DNA2: variants seen among roughly 807,000 people sequenced by gnomAD.
The protein encoded by DNA2 is DNA replication ATP-dependent helicase/nuclease DNA2.
In DNA2, 101 loss-of-function variants were observed where a neutral mutation model predicts 119.1. The ratio of observed to expected loss-of-function variants is 0.85; its 90% CI spans 0.72 to 1.00. The LOEUF (loss-of-function observed/expected upper bound fraction) is 1.00. Among genes scored for constraint, DNA2 ranks in the 50% least tolerant of loss-of-function variants. The probability of loss-of-function intolerance (pLI) is 0.00; values close to 1 mark genes in which losing one functional copy is unlikely to be tolerated. For synonymous variants in DNA2, 366 were observed against 424.4 expected (o/e 0.86, Z 1.69); for missense variants, 1,121 against 1,255.5 (o/e 0.89, Z 1.62).
At chr10:68,472,073 C>T, upstream of DNA2, 1 of 1,583,852 alleles carries the variant, frequency 6.3e-7, no homozygotes, top group African/African-American at 1.3e-5. Context: ...AGGGCTCTGT[C>T]CCCTGCCTTT....
intron 4 of DNA2, among the ~76,000 whole-genome samples, chr10:68,460,908 T>TGA (rs1554909453): frequency 7.0e-6 from 1 of 143,496 alleles, no homozygotes; most frequent in Non-Finnish European, 1.5e-5. Flanking sequence ...AGACCCTGTT[T>TGA]AAAAAAAAAA....
chr10:68,416,397 T>C (rs1294332939), intron 20 of DNA2, among the ~76,000 whole-genome samples: 1 of 152,052 alleles, frequency 6.6e-6, no homozygotes, highest in African/African-American at 2.4e-5. Flanking sequence ...GCCTGGGAGA[T>C]TGAGGGTGCA....
intron 20 of DNA2, among the ~76,000 whole-genome samples, chr10:68,416,403 G>A (rs1307389197): frequency 1.3e-5 from 2 of 152,092 alleles, no homozygotes; most frequent in African/African-American, 2.4e-5. Context: ...GAGATTGAGG[G>A]TGCAGTGAGC....
chr10:68,430,702 T>G (rs1251691866), intron 13 of DNA2, 42 bp from the exon 14 acceptor site: 1 of 1,341,698 alleles, frequency 7.5e-7, no homozygotes, highest in African/African-American at 1.5e-5. Context: ...AGCCTTACTT[T>G]TAATTCCAGA....
intron 14 of DNA2, among the ~76,000 whole-genome samples, chr10:68,426,620 G>A (rs1299889408): frequency 6.6e-6 from 1 of 150,974 alleles, no homozygotes; most frequent in African/African-American, 2.5e-5. Flanking sequence ...CAGATCACAA[G>A]GTCAGGAGAT....
At chr10:68,418,478 T>TAA (rs35448515) in intron 19 of DNA2, among the ~76,000 whole-genome samples, 3 of 140,972 alleles carry the variant, frequency 2.1e-5, no homozygotes, top group Non-Finnish European at 3.1e-5. Context: ...TTATTTTCTT[T>TAA]AAAAAAAAAA....
intron 14 of DNA2, chr10:68,425,118 A>G (rs10998154): frequency 0.19 from 51,870 of 270,218 alleles, 7,256 homozygotes; most frequent in African/African-American, 0.48. Flanking sequence ...TTTTTGAGAC[A>G]GAGTCTTGCT....
At chr10:68,441,792 T>C (rs1291618868) in intron 9 of DNA2, among the ~76,000 whole-genome samples, 3 of 151,900 alleles carry the variant, frequency 2.0e-5, no homozygotes, top group Admixed American at 6.6e-5. Flanking sequence ...AAAAAGCGAG[T>C]ATTTAAAAAA....
chr10:68,441,335 T>TAA (rs35334686), intron 9 of DNA2, among the ~76,000 whole-genome samples: 10 of 121,102 alleles, frequency 8.3e-5, no homozygotes, highest in South Asian at 5.3e-4. Context: ...CCCTGTCTCT[T>TAA]AAAAAAAAAA....
intron 6 of DNA2, among the ~76,000 whole-genome samples, chr10:68,448,252 A>C (rs2133409530): frequency 6.6e-6 from 1 of 152,202 alleles, no homozygotes; most frequent in Admixed American, 6.5e-5. Context: ...CTAACTCTAC[A>C]GTTTGTTTCT....
At chr10:68,449,912 T>C in intron 6 of DNA2, 116 bp downstream of exon 6, 1 of 710,352 alleles carries the variant, frequency 1.4e-6, no homozygotes. Context: ...AGGCGGAGCT[T>C]TCAGTGAGCC....
In DNA2 at chr10:68,457,410, G is replaced by A. The variant is rs1272536792; in HGVS notation, c.719+1694C>T. On this transcript the variant is annotated intron_variant, in intron 5 of 20. Transcript: ENST00000358410. ...ACTACTTCATTTCCTTTAAGCTTCT[G>A]CTCAAATGCTACCTTATGAGGAAGG... Among the ~76,000 whole-genome samples, 3 of 152,108 alleles carry A rather than the reference G, an allele frequency of 2.0e-5. No homozygotes were observed. In the East Asian group the frequency reaches 5.8e-4, roughly 29 times the overall value.
At chr10:68,434,632 G>A (rs558376711) in intron 10 of DNA2, among the ~76,000 whole-genome samples, 1 of 150,488 alleles carries the variant, frequency 6.6e-6, no homozygotes, top group East Asian at 2.0e-4. Flanking sequence ...AGCCTGGGCT[G>A]GAGTGAGACC....
intron 4 of DNA2, among the ~76,000 whole-genome samples, chr10:68,460,036 C>CACACACAA (rs1194339098): frequency 5.3e-5 from 8 of 150,732 alleles, no homozygotes; most frequent in African/African-American, 2.0e-4. Context: ...CAAATACACA[C>CACACACAA]ACACACACAC....
At position 68,422,305 on chromosome 10, in the gene DNA2, A is replaced by G. The variant is rs906389498; in HGVS notation, c.2617T>C (p.Tyr873His). The G allele has an allele frequency of 4.3e-6, 7 of 1,613,844 alleles. No individual in the cohort carries two copies. In the African/African-American group the frequency reaches 9.3e-5, roughly 22 times the overall value. The change falls in exon 17 of 21, where the codon TAT becomes CAT. Residue 873 changes from tyrosine to histidine, a missense_variant. Coordinates refer to ENST00000358410, the MANE Select transcript of DNA2 (RefSeq NM_001080449.3). ...CAAGGATTATCAGAATAGTCAGCAT[A>G]AAATTCCAGTTCCAGCTTCACATCT... ...FKDVKLELEF[Y>H]ADYSDNPWLM...
intron 1 of DNA2, 86 bp from the exon 2 acceptor site, chr10:68,470,249 A>C (rs975781125): frequency 8.3e-7 from 1 of 1,203,590 alleles, no homozygotes; most frequent in Non-Finnish European, 1.1e-6. Flanking sequence ...CCAATCTTCC[A>C]GTTTTCTAGG....
chr10:68,448,980 T>TGTGTGC lies in DNA2; in HGVS notation c.939+1047_939+1048insGCACAC, dbSNP rs1554907490. The stretch of plus-strand genomic sequence containing the variant: ...GTGTGTGTGTGTGCGTGTGTGTGTG[T>TGTGTGC]GTGTGTAGTAGTTTCACCATGTTGG... On this transcript the variant is annotated intron_variant, in intron 6 of 20. Transcript: ENST00000358410. Among the ~76,000 whole-genome samples, 121 of 142,194 alleles carry TGTGTGC rather than the reference T, an allele frequency of 8.5e-4. 5 individuals carry two copies. The highest frequency in any genetic ancestry group is 3.4e-3 in the African/African-American group (114 of 33,666). 93.3% of individuals were successfully genotyped at this position (142,194 alleles called of 152,430 possible).
intron 1 of DNA2, 33 bp from the exon 2 acceptor site, chr10:68,470,196 C>A: frequency 6.5e-7 from 1 of 1,539,516 alleles, no homozygotes; most frequent in Non-Finnish European, 8.7e-7. Context: ...TATTTTAGCA[C>A]AACCATGAAA....
intron 18 of DNA2, 44 bp from the exon 19 acceptor site, chr10:68,419,257 A>T: frequency 7.2e-7 from 1 of 1,385,160 alleles, no homozygotes; most frequent in Non-Finnish European, 9.5e-7. Flanking sequence ...AATCCTGATT[A>T]AGTTAAACTT....
Sources: allele counts gnomAD v4.1 joint callset (sites outside exome capture counted in the v4.1 genomes callset), GRCh38; gene constraint gnomAD v4.1.1; transcripts MANE v1.5; gene names NCBI Gene and HGNC (gene_info 2026-07-23, HGNC 2026-07-21).